POM121: variants seen among roughly 807,000 people sequenced by gnomAD.
POM121 encodes POM121 transmembrane nucleoporin.
In POM121, 32 loss-of-function variants were observed where a neutral mutation model predicts 81.3. The observed-to-expected ratio is 0.39, with a 90% CI of 0.30 to 0.53. POM121 has a LOEUF of 0.53. Ranked by LOEUF, POM121 falls within the 20% of genes least tolerant of loss-of-function variation. The pLI is 0.66. For synonymous variants in POM121, 514 were observed against 694.2 expected (o/e 0.74, Z 4.08); for missense variants, 1,138 against 1,614.6 (o/e 0.70, Z 5.06).
chr7:72,935,605 C>A (rs1489168827), intron 5 of POM121, among the ~76,000 whole-genome samples: 1 of 151,774 alleles, frequency 6.6e-6, no homozygotes, highest in African/African-American at 2.4e-5. Context: ...CTCAGACTTC[C>A]GAGTAGCTGA....
At chr7:72,905,929 G>GT (rs1364701005) in intron 3 of POM121, among the ~76,000 whole-genome samples, 4 of 152,184 alleles carry the variant, frequency 2.6e-5, no homozygotes, top group Admixed American at 6.5e-5. Context: ...ATATTTTATA[G>GT]TTTTTTGTTG....
At position 72,946,176 on chromosome 7, in the gene POM121, A is replaced by C; in HGVS notation, c.3692A>C (p.Lys1231Thr). ...TCATTTTCCATTGGTGCGGGATCCA[A>C]GACCCCAGGGGCTCGACAGCGACTG... ...ALSFSIGAGS[K>T]TPGARQRLQA... The change falls in exon 13 of 13, where the codon AAG becomes ACG. Residue 1231 changes from lysine (K) to threonine (T), a missense_variant. Coordinates refer to ENST00000434423, the MANE Select transcript of POM121 (RefSeq NM_001387691.1). The C allele has an allele frequency of 6.2e-7, 1 of 1,611,798 alleles. No homozygotes were observed. The highest frequency in any genetic ancestry group is 8.5e-7 in the Non-Finnish European group (1 of 1,179,760).
intron 1 of POM121, among the ~76,000 whole-genome samples, chr7:72,886,153 G>GTATTTATTTATTTATTTATT (rs201459871): frequency 1.4e-5 from 2 of 140,056 alleles, no homozygotes; most frequent in African/African-American, 2.8e-5. Context: ...TAATTAAACA[G>GTATTTATTTATTTATTTATT]TATTTATTTA....
chr7:72,882,366 CGA>C (rs1180013130), intron 1 of POM121, among the ~76,000 whole-genome samples: 3 of 152,076 alleles, frequency 2.0e-5, no homozygotes, highest in African/African-American at 7.2e-5. Context: ...CGACACACAC[CGA>C]AACCATATCA....
chr7:72,909,653 T>G (rs1197248060), intron 3 of POM121, among the ~76,000 whole-genome samples: 1 of 152,134 alleles, frequency 6.6e-6, no homozygotes, highest in Non-Finnish European at 1.5e-5. Context: ...AATTTGTTTT[T>G]TTGTTGTTGT....
In POM121 at chr7:72,925,685, C is replaced by T. The variant is rs1328301592; in HGVS notation, c.564C>T (p.Ser188=). 8.0e-6 allele frequency: 10 copies of T among 1,254,480 alleles called. No individual in the cohort carries two copies. The Admixed American group carries it at 3.5e-4, about 44-fold the overall frequency. 77.7% of individuals were successfully genotyped at this position (1,254,480 alleles called of 1,614,324 possible). ...CACCGCCGCGCTCCCCCCCGCCCTC[C>T]CCGCCGACCCATCGCGCTCACCACG... is the stretch of plus-strand genomic sequence containing the variant. ...RSPPPRSPPP[S]PPTHRAHHVY... is the part of the protein sequence containing the mutation. The change falls in exon 1 of 13, where the codon TCC becomes TCT. Residue 188 remains serine (S), a synonymous_variant. Coordinates refer to ENST00000434423, the MANE Select transcript of POM121 (RefSeq NM_001387691.1).
At chr7:72,939,000 T>G (rs1314840659) in intron 6 of POM121, among the ~76,000 whole-genome samples, 1 of 152,242 alleles carries the variant, frequency 6.6e-6, no homozygotes, top group Non-Finnish European at 1.5e-5. Context: ...TGACTCGAGC[T>G]GACCCCCTAG....
upstream of POM121, among the ~76,000 whole-genome samples, chr7:72,923,196 G>T (rs1424506275): frequency 2.0e-5 from 3 of 149,256 alleles, no homozygotes; most frequent in Non-Finnish European, 4.4e-5. Context: ...TTGGGACTGG[G>T]TTGGGGAGGA....
rs567354147 is a variant in POM121, at chr7:72,927,015, G to T, written c.1022+52G>T. On this transcript the variant is annotated intron_variant, in intron 3 of 12. Coordinates refer to ENST00000434423, the MANE Select transcript of POM121 (RefSeq NM_001387691.1). ...CGGTTTCGCGCTTGGACTCCTATGG[G>T]ATGAGATGTAGACATTCCCATATAG... is the stretch of plus-strand genomic sequence containing the variant. 74 of 1,613,278 alleles carry T rather than the reference G, an allele frequency of 4.6e-5. 1 individual carries two copies. The South Asian group carries it at 8.0e-4, about 17-fold the overall frequency.
intron 4 of POM121, among the ~76,000 whole-genome samples, chr7:72,929,036 AGTGTACTGCACT>A (rs1795758202): frequency 6.6e-6 from 1 of 152,226 alleles, no homozygotes; most frequent in South Asian, 2.1e-4. Flanking sequence ...TGGTCAGATC[AGTGTACTGCACT>A]GCGAGGGAGG....
intron 1 of POM121, among the ~76,000 whole-genome samples, chr7:72,884,620 A>G (rs1407366956): frequency 1.3e-5 from 2 of 149,860 alleles, no homozygotes; most frequent in Non-Finnish European, 3.0e-5. Flanking sequence ...TTTATTTTGA[A>G]ATCATTTCAG....
chr7:72,918,750 G>C (rs1416553855), intron 4 of POM121, among the ~76,000 whole-genome samples: 1 of 152,004 alleles, frequency 6.6e-6, no homozygotes, highest in Non-Finnish European at 1.5e-5. Context: ...CCTTCTTGCT[G>C]TGTCCTCATG....
chr7:72,898,353 C>T (rs1792181099), intron 3 of POM121, among the ~76,000 whole-genome samples: 1 of 152,176 alleles, frequency 6.6e-6, no homozygotes, highest in South Asian at 2.1e-4. Flanking sequence ...CTTGACCTCC[C>T]AAAGTGTTGG....
At chr7:72,887,374 T>A (rs1790827368) in intron 1 of POM121, among the ~76,000 whole-genome samples, 1 of 152,078 alleles carries the variant, frequency 6.6e-6, no homozygotes, top group Non-Finnish European at 1.5e-5. Context: ...TCCTGCCCAT[T>A]TTCCCATCCC....
chr7:72,949,431 G>A (rs376228723), downstream of POM121: 1 of 1,561,640 alleles, frequency 6.4e-7, no homozygotes, highest in Non-Finnish European at 8.8e-7. Context: ...CGCCAGCCCA[G>A]GCCAGCAGCG....
intron 5 of POM121, among the ~76,000 whole-genome samples, chr7:72,937,287 G>A (rs1212227302): frequency 6.6e-6 from 1 of 152,102 alleles, no homozygotes; most frequent in Non-Finnish European, 1.5e-5. Flanking sequence ...TGACTGAGCC[G>A]TCCTTTGAGA....
intron 2 of POM121, 126 bp from the exon 3 acceptor site, chr7:72,926,676 C>G (rs1206597160): frequency 2.5e-5 from 37 of 1,489,164 alleles, no homozygotes; most frequent in Non-Finnish European, 3.4e-5. Flanking sequence ...CTAACGGGAA[C>G]TGCTGTGAGT....
At chr7:72,922,406 G>T (rs782741802), upstream of POM121, among the ~76,000 whole-genome samples, 8 of 151,936 alleles carry the variant, frequency 5.3e-5, no homozygotes, top group Admixed American at 2.0e-4. Context: ...TTTTTTGGGG[G>T]GATGGAGTCT....
chr7:72,936,532 C>A (rs781835759), intron 5 of POM121, among the ~76,000 whole-genome samples: 1 of 152,216 alleles, frequency 6.6e-6, no homozygotes, highest in Non-Finnish European at 1.5e-5. Context: ...CCACCTTGGC[C>A]TCCCAAAGTG....
Sources: gnomAD v4.1 joint callset for allele counts (sites outside exome capture counted in the v4.1 genomes callset) on GRCh38, gnomAD v4.1.1 for gene constraint, MANE v1.5 for transcripts, NCBI Gene and HGNC (gene_info 2026-07-23, HGNC 2026-07-21) for gene names.